GUCY1A2: variants seen among roughly 807,000 people sequenced by gnomAD.
The protein encoded by GUCY1A2 is guanylate cyclase 1 soluble subunit alpha 2.
Under a neutral mutation model 63.5 loss-of-function variants are expected in GUCY1A2, and 27 were observed. The ratio of observed to expected loss-of-function variants is 0.43; its 90% CI spans 0.31 to 0.59. The LOEUF is 0.59. Among genes scored for constraint, GUCY1A2 ranks in the 20% least tolerant of loss-of-function variants. The probability of loss-of-function intolerance (pLI) is 0.11; values close to 1 mark genes in which losing one functional copy is unlikely to be tolerated. For missense variants in GUCY1A2, 768 were observed against 913.3 expected, an observed-to-expected ratio of 0.84 and a Z score of 2.05; for synonymous variants, 364 against 343.5, an observed-to-expected ratio of 1.06 and a Z score of -0.66.
intron 5 of GUCY1A2, among the ~76,000 whole-genome samples, chr11:106,796,789 C>CAT (rs1864770560): frequency 6.6e-6 from 1 of 151,868 alleles, no homozygotes; most frequent in Admixed American, 6.6e-5. Context: ...CTTTGTGGTG[C>CAT]TCTCTGTATT....
intron 6 of GUCY1A2, among the ~76,000 whole-genome samples, chr11:106,744,439 G>A (rs566887375): frequency 6.6e-6 from 1 of 152,114 alleles, no homozygotes; most frequent in East Asian, 1.9e-4. Flanking sequence ...TAGAGACAGG[G>A]TTTCACCATG....
intron 4 of GUCY1A2, among the ~76,000 whole-genome samples, chr11:106,832,032 T>C (rs1412919132): frequency 6.6e-6 from 1 of 152,206 alleles, no homozygotes; most frequent in Non-Finnish European, 1.5e-5. Context: ...TGCCATAAAT[T>C]AATTAAAGGC....
chr11:106,997,607 A>G (rs1046627193), intron 1 of GUCY1A2, among the ~76,000 whole-genome samples: 3 of 124,234 alleles, frequency 2.4e-5, no homozygotes, highest in Non-Finnish European at 3.5e-5. Flanking sequence ...TAGGGGAAGC[A>G]AGATAGGGAA....
intron 3 of GUCY1A2, among the ~76,000 whole-genome samples, chr11:106,963,025 T>A (rs966866823): frequency 3.3e-5 from 5 of 152,136 alleles, no homozygotes; most frequent in Admixed American, 1.3e-4. Flanking sequence ...ACCAACTTAG[T>A]GTGATGTCCT....
At chr11:106,778,362 C>T (rs1565286943) in intron 5 of GUCY1A2, among the ~76,000 whole-genome samples, 1 of 152,302 alleles carries the variant, frequency 6.6e-6, no homozygotes, top group East Asian at 1.9e-4. Context: ...TAACGTTCAG[C>T]ACAAGCTATA....
At position 106,683,863 on chromosome 11, in the gene GUCY1A2, T is replaced by G. The variant is rs1185344301; in HGVS notation, c.*3686A>C. ...GCTCCTACCTGATGCCTTACGACTT[T>G]AGATACACAATTTCATTCAGCAGCA... On this transcript the variant is annotated 3_prime_UTR_variant, in exon 8 of 8. Coordinates refer to ENST00000526355, the MANE Select transcript of GUCY1A2 (RefSeq NM_000855.3). The G allele has an allele frequency of 4.9e-6, 1 of 205,634 alleles. No individual in the cohort carries two copies. The highest frequency in any genetic ancestry group is 1.9e-4 in the South Asian group (1 of 5,318). The allele number at this position is 205,634 out of a possible 1,614,324, so 12.7% of individuals were successfully genotyped here.
At chr11:106,799,704 C>G (rs1422128256) in intron 5 of GUCY1A2, among the ~76,000 whole-genome samples, 1 of 152,196 alleles carries the variant, frequency 6.6e-6, no homozygotes, top group Non-Finnish European at 1.5e-5. Flanking sequence ...GAAGCTGAAA[C>G]TAGATCCCTT....
intron 1 of GUCY1A2, among the ~76,000 whole-genome samples, chr11:107,003,351 C>T (rs1383150852): frequency 5.3e-5 from 8 of 152,136 alleles, no homozygotes; most frequent in Admixed American, 5.2e-4. Flanking sequence ...GTCCTTGCTC[C>T]CAGCTGCTCC....
rs185909805 is a variant in GUCY1A2, at chr11:106,684,522, G to A, written c.*3027C>T. ...TAGTACATTCTGAGTACATATTGGG[G>A]GATTCTGATTTTGTTAGATAACTGA... On this transcript the variant is annotated 3_prime_UTR_variant, in exon 8 of 8. Coordinates refer to ENST00000526355, the MANE Select transcript of GUCY1A2 (RefSeq NM_000855.3). 4.9e-4 allele frequency: 95 copies of A among 194,344 alleles called. No individual in the cohort carries two copies. Among genetic ancestry groups the A allele is most frequent in the African/African-American group, 2.1e-3 (92 of 43,320 alleles). 12.0% of individuals were successfully genotyped at this position (194,344 alleles called of 1,614,324 possible).
At chr11:106,895,128 A>G (rs1459237000) in intron 4 of GUCY1A2, among the ~76,000 whole-genome samples, 1 of 152,192 alleles carries the variant, frequency 6.6e-6, no homozygotes, top group Non-Finnish European at 1.5e-5. Context: ...TATGCCCACA[A>G]ATTTGATAAC....
chr11:106,950,424 C>A (rs1165183836), intron 3 of GUCY1A2, among the ~76,000 whole-genome samples: 1 of 152,198 alleles, frequency 6.6e-6, no homozygotes, highest in Non-Finnish European at 1.5e-5. Context: ...TGCAGGAGCA[C>A]CTGCTTCAGC....
At chr11:106,704,509 A>G (rs762254103) in intron 7 of GUCY1A2, among the ~76,000 whole-genome samples, 2 of 152,172 alleles carry the variant, frequency 1.3e-5, no homozygotes. Context: ...TCATACAATG[A>G]GCTGTTCAGG....
At chr11:106,813,476 T>G (rs771066778) in intron 4 of GUCY1A2, among the ~76,000 whole-genome samples, 2 of 152,058 alleles carry the variant, frequency 1.3e-5, no homozygotes, top group Non-Finnish European at 2.9e-5. Context: ...ATGAAAATAT[T>G]CACCACTGTT....
chr11:106,992,935 T>C (rs1861489829), intron 1 of GUCY1A2, among the ~76,000 whole-genome samples: 1 of 152,154 alleles, frequency 6.6e-6, no homozygotes, highest in African/African-American at 2.4e-5. Flanking sequence ...CACCATAATC[T>C]AAACTTTCCA....
At chr11:106,833,710 T>C (rs1451761978) in intron 4 of GUCY1A2, among the ~76,000 whole-genome samples, 1 of 152,052 alleles carries the variant, frequency 6.6e-6, no homozygotes, top group Non-Finnish European at 1.5e-5. Flanking sequence ...TTATATGAAC[T>C]TAATCAACCG....
chr11:106,855,890 G>C (rs1859423108), intron 4 of GUCY1A2, among the ~76,000 whole-genome samples: 1 of 40,802 alleles, frequency 2.5e-5, no homozygotes, highest in Non-Finnish European at 4.7e-5. Flanking sequence ...TGGGTCTCTT[G>C]TATTTTATTT....
intron 4 of GUCY1A2, among the ~76,000 whole-genome samples, chr11:106,930,418 G>A (rs1373977263): frequency 3.3e-5 from 5 of 152,128 alleles, no homozygotes; most frequent in East Asian, 3.9e-4. Flanking sequence ...TCTGCCTCCC[G>A]GCTTCAAGCC....
intron 6 of GUCY1A2, among the ~76,000 whole-genome samples, chr11:106,764,173 C>G (rs1054719100): frequency 5.3e-5 from 8 of 152,100 alleles, no homozygotes; most frequent in African/African-American, 1.9e-4. Flanking sequence ...CTCATTATTT[C>G]AACATCTCGA....
chr11:106,832,193 T>C (rs1263464171), intron 4 of GUCY1A2, among the ~76,000 whole-genome samples: 1 of 152,160 alleles, frequency 6.6e-6, no homozygotes, highest in African/African-American at 2.4e-5. Context: ...AAAGTAATTG[T>C]ATGTGTAGTT....
Sources: gnomAD v4.1 joint callset for allele counts (sites outside exome capture counted in the v4.1 genomes callset) on GRCh38, gnomAD v4.1.1 for gene constraint, MANE v1.5 for transcripts, NCBI Gene and HGNC (gene_info 2026-07-23, HGNC 2026-07-21) for gene names.